CCDC178: variants seen among roughly 807,000 people sequenced by gnomAD.
CCDC178 encodes the protein coiled-coil domain containing 178.
CCDC178 carries 126 observed loss-of-function variants against 117.4 expected under a neutral mutation model. The ratio of observed to expected loss-of-function variants is 1.07; its 90% CI spans 0.93 to 1.24. CCDC178 has a LOEUF of 1.24. Among genes scored for constraint, CCDC178 ranks in the 50% most tolerant of loss-of-function variants. The probability of loss-of-function intolerance (pLI) is 0.00; values close to 1 mark genes in which losing one functional copy is unlikely to be tolerated. For synonymous variants in CCDC178, 283 were observed against 313.4 expected (o/e 0.90, Z 1.02); for missense variants, 1,030 against 986.9 (o/e 1.04, Z -0.59).
intron 21 of CCDC178, among the ~76,000 whole-genome samples, chr18:33,058,514 T>C (rs2056867032): frequency 6.6e-6 from 1 of 152,190 alleles, no homozygotes; most frequent in Admixed American, 6.5e-5. Flanking sequence ...AACCTCCTAA[T>C]TGATACATAG....
At chr18:33,207,981 C>T (rs903686518) in intron 20 of CCDC178, among the ~76,000 whole-genome samples, 11 of 151,914 alleles carry the variant, frequency 7.2e-5, no homozygotes, top group Non-Finnish European at 1.6e-4. Flanking sequence ...ATTGAAGCAC[C>T]GGATCTGCGC....
intron 2 of CCDC178, among the ~76,000 whole-genome samples, chr18:33,428,836 A>G (rs1474633221): frequency 6.6e-6 from 1 of 151,632 alleles, no homozygotes; most frequent in South Asian, 2.1e-4. Flanking sequence ...GTAAAAAAAA[A>G]AAAAAGTTCT....
At chr18:33,369,736 A>G (rs1340152053) in intron 6 of CCDC178, among the ~76,000 whole-genome samples, 2 of 151,986 alleles carry the variant, frequency 1.3e-5, no homozygotes, top group Admixed American at 6.6e-5. Flanking sequence ...TAGTGTCCCA[A>G]AAAGTATGTA....
At chr18:33,006,722 C>G (rs550186317) in intron 21 of CCDC178, among the ~76,000 whole-genome samples, 1 of 152,124 alleles carries the variant, frequency 6.6e-6, no homozygotes, top group East Asian at 1.9e-4. Flanking sequence ...AAGACTCTGT[C>G]TTTGCAGATA....
At chr18:33,069,712 A>C (rs1340950315) in intron 21 of CCDC178, among the ~76,000 whole-genome samples, 1 of 152,178 alleles carries the variant, frequency 6.6e-6, no homozygotes, top group Non-Finnish European at 1.5e-5. Flanking sequence ...TCTGCAAAGC[A>C]AAGGAAACAA....
At chr18:33,303,678 T>A (rs766243718) in intron 11 of CCDC178, among the ~76,000 whole-genome samples, 52 of 148,620 alleles carry the variant, frequency 3.5e-4, no homozygotes, top group African/African-American at 7.5e-4. Flanking sequence ...GTCTAGTTTT[T>A]AAAAAAAAAA....
intron 21 of CCDC178, among the ~76,000 whole-genome samples, chr18:33,005,871 T>A (rs1456098269): frequency 6.6e-6 from 1 of 152,074 alleles, no homozygotes; most frequent in Non-Finnish European, 1.5e-5. Flanking sequence ...CTGAAATAAG[T>A]AGAACTGAAG....
chr18:33,351,470 G>A (rs2062979620), intron 7 of CCDC178, among the ~76,000 whole-genome samples: 1 of 152,316 alleles, frequency 6.6e-6, no homozygotes, highest in South Asian at 2.1e-4. Flanking sequence ...TGGGATTACA[G>A]GCGTGAGCCA....
chr18:32,948,154 C>G (rs117625374), intron 22 of CCDC178, among the ~76,000 whole-genome samples: 1 of 152,020 alleles, frequency 6.6e-6, no homozygotes, highest in African/African-American at 2.4e-5. Context: ...TTTGTACTTC[C>G]TTTATGATGT....
intron 7 of CCDC178, among the ~76,000 whole-genome samples, chr18:33,352,626 C>A (rs2062993100): frequency 6.6e-6 from 1 of 152,084 alleles, no homozygotes; most frequent in Admixed American, 6.5e-5. Context: ...TTTTCACTCA[C>A]CTCAAGGTGT....
chr18:33,400,025 T>G (rs1445522424), intron 3 of CCDC178, among the ~76,000 whole-genome samples: 4 of 152,078 alleles, frequency 2.6e-5, no homozygotes, highest in Non-Finnish European at 4.4e-5. Context: ...ATGAAAACAT[T>G]AATCTACTCG....
At chr18:33,229,497 C>T (rs1003090705) in intron 15 of CCDC178, among the ~76,000 whole-genome samples, 3 of 152,146 alleles carry the variant, frequency 2.0e-5, no homozygotes, top group Non-Finnish European at 2.9e-5. Context: ...GTCTTAACTT[C>T]ACAATGAAAT....
At chr18:32,939,793 T>C (rs1038273815) in intron 22 of CCDC178, among the ~76,000 whole-genome samples, 3 of 152,256 alleles carry the variant, frequency 2.0e-5, no homozygotes, top group Admixed American at 2.0e-4. Flanking sequence ...TTCAGACACC[T>C]GTCAGTAATC....
intron 6 of CCDC178, among the ~76,000 whole-genome samples, chr18:33,357,480 A>C (rs886192733): frequency 1.3e-5 from 2 of 152,142 alleles, no homozygotes; most frequent in Admixed American, 6.6e-5. Context: ...ATTTATTCCC[A>C]AAAGACTTTC....
intron 11 of CCDC178, among the ~76,000 whole-genome samples, chr18:33,301,302 A>C (rs1219545946): frequency 6.6e-6 from 1 of 152,222 alleles, no homozygotes; most frequent in Non-Finnish European, 1.5e-5. Context: ...TGTAGGAGAA[A>C]GCCTGTGGGC....
At chr18:33,188,802 G>C (rs2058824937) in intron 20 of CCDC178, among the ~76,000 whole-genome samples, 1 of 152,124 alleles carries the variant, frequency 6.6e-6, no homozygotes, top group African/African-American at 2.4e-5. Flanking sequence ...AGAACTGTAA[G>C]ATATTAAATG....
chr18:33,422,636 T>C (rs2064042697), intron 2 of CCDC178, among the ~76,000 whole-genome samples: 1 of 152,192 alleles, frequency 6.6e-6, no homozygotes, highest in Non-Finnish European at 1.5e-5. Context: ...TGACTTTTAA[T>C]TGTATTTTAT....
At chr18:33,410,197 T>C (rs1286508238) in intron 3 of CCDC178, among the ~76,000 whole-genome samples, 1 of 152,226 alleles carries the variant, frequency 6.6e-6, no homozygotes, top group Non-Finnish European at 1.5e-5. Flanking sequence ...TCTGAAGTCT[T>C]GGAACAAACT....
At chr18:33,007,809 G>A (rs2055781796) in intron 21 of CCDC178, among the ~76,000 whole-genome samples, 1 of 151,980 alleles carries the variant, frequency 6.6e-6, no homozygotes, top group South Asian at 2.1e-4. Flanking sequence ...TTTTAACAAG[G>A]GCTGAATTTT....
Sources: allele counts gnomAD v4.1 joint callset (sites outside exome capture counted in the v4.1 genomes callset), GRCh38; gene constraint gnomAD v4.1.1; transcripts MANE v1.5; gene names NCBI Gene and HGNC (gene_info 2026-07-23, HGNC 2026-07-21).